Variants in NBPF12 observed in about 807,000 individuals in gnomAD.
NBPF12 encodes NBPF member 12.
NBPF12 carries 115 observed loss-of-function variants against 146.4 expected under a neutral mutation model. The observed-to-expected ratio is 0.79, with a 90% CI of 0.68 to 0.92. The LOEUF (loss-of-function observed/expected upper bound fraction) is 0.92. NBPF12 is among the 40% of genes least tolerant of loss of function. The pLI, the probability that NBPF12 is intolerant of heterozygous loss-of-function variation, is 0.00. For synonymous variants in NBPF12, 385 were observed against 508.9 expected (o/e 0.76, Z 3.28); for missense variants, 1,205 against 1,326.8 (o/e 0.91, Z 1.43).
At chr1:146,942,204 G>C (rs1654841481) in intron 1 of NBPF12, among the ~76,000 whole-genome samples, 1 of 151,620 alleles carries the variant, frequency 6.6e-6, no homozygotes. Flanking sequence ...GCCCAGACTA[G>C]TTTCAAACAC....
At chr1:146,966,270 C>G (rs1225843299) in intron 8 of NBPF12, among the ~76,000 whole-genome samples, 194 bp from the exon 12 acceptor site, 2,866 of 151,962 alleles carry the variant, frequency 0.019, 144 homozygotes, top group African/African-American at 0.066. Flanking sequence ...TTATGTCCTG[C>G]TTTAAAGGTG....
chr1:146,964,527 C>A, intron 7 of NBPF12, 98 bp downstream of exon 10: 1 of 1,574,810 alleles, frequency 6.3e-7, no homozygotes, highest in Non-Finnish European at 8.7e-7. Flanking sequence ...CAAAAGCCCG[C>A]ATTCCCTTGG....
At chr1:146,956,452 G>A (rs1436793971) in intron 2 of NBPF12, among the ~76,000 whole-genome samples, 5 of 151,686 alleles carry the variant, frequency 3.3e-5, no homozygotes, top group East Asian at 3.9e-4. Context: ...ATTTGTAAAC[G>A]TGCATTGAAT....
At chr1:146,972,086 T>TC (rs1400301498) in intron 13 of NBPF12, among the ~76,000 whole-genome samples, 26,089 of 120,798 alleles carry the variant, frequency 0.22, 3,542 homozygotes, top group Middle Eastern at 0.29. Flanking sequence ...AGACTCCATC[T>TC]AAAAAAAAAA....
chr1:146,962,612 A>G (rs1348819060), intron 5 of NBPF12, among the ~76,000 whole-genome samples: 1 of 151,404 alleles, frequency 6.6e-6, no homozygotes, highest in African/African-American at 2.4e-5. Context: ...TCACCTTCTG[A>G]CTGACTGCGT....
chr1:146,965,240 A>G, intron 8 of NBPF12, 136 bp downstream of exon 11: 1 of 698,756 alleles, frequency 1.4e-6, no homozygotes, highest in Non-Finnish European at 2.6e-6. Flanking sequence ...TGACTCACAC[A>G]TATAATCACA....
chr1:146,940,226 G>A (rs1162847783), intron 1 of NBPF12, among the ~76,000 whole-genome samples: 1 of 151,532 alleles, frequency 6.6e-6, no homozygotes, highest in Non-Finnish European at 1.5e-5. Context: ...ATTCTAAAAT[G>A]CTAGCTTTAA....
chr1:146,939,983 T>TAAA (rs1260075296), intron 1 of NBPF12, among the ~76,000 whole-genome samples: 50 of 139,144 alleles, frequency 3.6e-4, no homozygotes, highest in African/African-American at 1.2e-3. Context: ...AGACTCCCTC[T>TAAA]AAAAAAAAAA....
exon 3 of NBPF12, chr1:146,959,955 T>A: frequency 3.5e-6 from 1 of 284,760 alleles, no homozygotes; most frequent in South Asian, 2.4e-5. Flanking sequence ...ACCTTGTTTT[T>A]GTGGTGAAGG....
intron 2 of NBPF12, among the ~76,000 whole-genome samples, chr1:146,954,232 A>G: frequency 6.7e-6 from 1 of 148,268 alleles, no homozygotes; most frequent in South Asian, 2.2e-4. Flanking sequence ...TCTACTAAAA[A>G]TACAAAAAAT....
chr1:146,945,528 A>C (rs1344283585), upstream of NBPF12, among the ~76,000 whole-genome samples: 3 of 151,698 alleles, frequency 2.0e-5, no homozygotes, highest in Admixed American at 1.3e-4. Context: ...AACTGCTCTG[A>C]CTCCAGGTTG....
exon 34 of NBPF12, chr1:146,994,727 G>C: frequency 7.6e-7 from 1 of 1,317,926 alleles, no homozygotes; most frequent in Non-Finnish European, 1.0e-6. Flanking sequence ...CATGCCAGTG[G>C]CAACCTGTGC....
intron 2 of NBPF12, among the ~76,000 whole-genome samples, chr1:146,953,127 G>T (rs1655399866): frequency 1.5e-5 from 2 of 132,608 alleles, no homozygotes; most frequent in Non-Finnish European, 3.2e-5. Flanking sequence ...AGAACAACAG[G>T]ATTCTGGAAG....
intron 23 of NBPF12, among the ~76,000 whole-genome samples, chr1:146,986,066 G>A (rs1451105403): frequency 6.6e-6 from 1 of 151,916 alleles, no homozygotes; most frequent in Non-Finnish European, 1.5e-5. Context: ...GTGTCCCGAG[G>A]GCACTAAATC....
At chr1:146,989,169 G>T (rs1657983119) in intron 27 of NBPF12, among the ~76,000 whole-genome samples, 1 of 113,412 alleles carries the variant, frequency 8.8e-6, no homozygotes, top group Non-Finnish European at 1.9e-5. Flanking sequence ...TTCAAAAGCT[G>T]TACTCTCATG....
chr1:146,948,596 A>G (rs1655178030), upstream of NBPF12, among the ~76,000 whole-genome samples: 1 of 152,030 alleles, frequency 6.6e-6, no homozygotes, highest in Non-Finnish European at 1.5e-5. Context: ...ACCCAGAGAC[A>G]CTACACTGCG....
chr1:146,967,329 C>G (rs1395210265), intron 9 of NBPF12, among the ~76,000 whole-genome samples: 4 of 150,576 alleles, frequency 2.7e-5, no homozygotes, highest in Non-Finnish European at 4.4e-5. Flanking sequence ...GGAGAAACCC[C>G]ATCTCCACTA....
At chr1:146,966,876 G>A (rs1345714499) in intron 9 of NBPF12, among the ~76,000 whole-genome samples, 92 of 150,292 alleles carry the variant, frequency 6.1e-4, no homozygotes, top group Non-Finnish European at 1.2e-3. Flanking sequence ...GCAATCAGGT[G>A]GGGGTGGGAC....
At chr1:146,966,926 C>G (rs1420872188) in intron 9 of NBPF12, among the ~76,000 whole-genome samples, 1 of 150,520 alleles carries the variant, frequency 6.6e-6, no homozygotes, top group East Asian at 1.9e-4. Context: ...GACACCGGCA[C>G]AGAATGACCT....
Sources: allele counts gnomAD v4.1 joint callset (sites outside exome capture counted in the v4.1 genomes callset), GRCh38; gene constraint gnomAD v4.1.1; transcripts MANE v1.5; gene names NCBI Gene and HGNC (gene_info 2026-07-23, HGNC 2026-07-21).